GRID2IP: variants seen among roughly 807,000 people sequenced by gnomAD.
GRID2IP encodes the protein Grid2 interacting protein.
Under a neutral mutation model 114.3 loss-of-function variants are expected in GRID2IP, and 78 were observed. The ratio of observed to expected loss-of-function variants is 0.68; its 90% CI spans 0.57 to 0.82. GRID2IP has a LOEUF of 0.82. Among genes scored for constraint, GRID2IP ranks in the 40% least tolerant of loss-of-function variants. The pLI is 0.00. For synonymous variants in GRID2IP, 809 were observed against 724.0 expected, an observed-to-expected ratio of 1.12 and a Z score of -1.89; for missense variants, 1,727 against 1,678.5, an observed-to-expected ratio of 1.03 and a Z score of -0.51.
Position 6,521,887 on chromosome 7 carries a change from C to G in GRID2IP, c.989+1G>C, listed in dbSNP as rs1453916890. ...CCCTGGTGTCCCCAATAGCCTCTGACCTCATGTCCAGTCCATTGAGGAAGA... is the reference window on the plus strand; with the variant it reads ...CCCTGGTGTCCCCAATAGCCTCTGAGCTCATGTCCAGTCCATTGAGGAAGA... On this transcript the variant is annotated splice_donor_variant, in intron 5 of 21. Transcript: ENST00000457091. LOFTEE classifies it high-confidence loss of function. The surrounding 1 kb of genome is among the most constrained non-coding windows in gnomAD (Gnocchi z 4.1). 6.4e-7 allele frequency: 1 copy of G among 1,550,494 alleles called. No homozygotes were observed. Among genetic ancestry groups the G allele is most frequent in the Non-Finnish European group, 8.7e-7 (1 of 1,146,030 alleles).
chr7:6,520,148 C>T lies in GRID2IP; in HGVS notation c.1268+430G>A, dbSNP rs529747536. On this transcript the variant is annotated intron_variant, in intron 7 of 21. Coordinates refer to ENST00000457091, the MANE Select transcript of GRID2IP (RefSeq NM_001145118.2). The surrounding 1 kb of genome is among the most constrained non-coding windows in gnomAD (Gnocchi z 4.6). The stretch of plus-strand genomic sequence containing the variant: ...TCTAGTAAAAATACAAAAAAATTAG[C>T]CGGGTGTGGTGGTGGGCACCTGTAA... 1.3e-5 allele frequency among the ~76,000 whole-genome samples: 2 copies of T among 152,072 alleles called. No individual in the cohort carries two copies. Among genetic ancestry groups the T allele is most frequent in the African/African-American group, 4.8e-5 (2 of 41,410 alleles).
chr7:6,509,101 G>T lies in GRID2IP; in HGVS notation c.1984C>A (p.Pro662Thr). The T allele has an allele frequency of 6.8e-7, 1 of 1,481,394 alleles. No homozygotes were observed. The highest frequency in any genetic ancestry group is 9.0e-7 in the Non-Finnish European group (1 of 1,115,222). 91.8% of individuals were successfully genotyped at this position (1,481,394 alleles called of 1,614,324 possible). A position where few individuals can be genotyped will look rare whatever the true frequency, so the allele number is the denominator to read the frequency against. The stretch of plus-strand genomic sequence containing the variant: ...AAGGTGAAGAGCTTCCTGCGGCTGG[G>T]CGGGCGGGTGGGGTCCGGGCTTGGG... ...SPPSPDPTRP[P>T]SRRKLFTFSH... is the part of the protein sequence containing the mutation. Residue 662 changes from proline (P) to threonine (T), a missense_variant, in exon 12 of 22, where the codon CCC becomes ACC. Physicochemically the swap from Pro to Thr is conservative, Grantham distance 38. Coordinates refer to ENST00000457091, the MANE Select transcript of GRID2IP (RefSeq NM_001145118.2). The surrounding 1 kb of genome is among the most constrained non-coding windows in gnomAD (Gnocchi z 4.9).
In GRID2IP at chr7:6,506,802, C is replaced by T. The variant is rs1298070546; in HGVS notation, c.2545-895G>A. Among the ~76,000 whole-genome samples the T allele has an allele frequency of 1.3e-5, 2 of 151,990 alleles. No individual in the cohort carries two copies. Among genetic ancestry groups the T allele is most frequent in the African/African-American group, 4.8e-5 (2 of 41,358 alleles). Reference sequence around the variant, plus strand: ...AATCAAGTGATTCTCCCTCTTCAGCCTCCCGAGTAGCTGGGACCACAGGCA... The same window carrying T: ...AATCAAGTGATTCTCCCTCTTCAGCTTCCCGAGTAGCTGGGACCACAGGCA... On this transcript the variant is annotated intron_variant, in intron 13 of 21. Coordinates refer to ENST00000457091, the MANE Select transcript of GRID2IP (RefSeq NM_001145118.2). This position sits in a 1 kb window ranked among gnomAD's most constrained non-coding sequence, Gnocchi z 5.2.
intron 14 of GRID2IP, 119 bp downstream of exon 14, chr7:6,505,700 GA>G: frequency 1.5e-6 from 1 of 670,136 alleles, no homozygotes; most frequent in Non-Finnish European, 2.7e-6. Flanking sequence ...CTCAGGGACT[GA>G]AGGCTTGAGG....
At position 6,506,161 on chromosome 7, in the gene GRID2IP, G is replaced by T. The variant is rs1055991532; in HGVS notation, c.2545-254C>A. 6.6e-6 allele frequency among the ~76,000 whole-genome samples: 1 copy of T among 152,232 alleles called. No homozygotes were observed. Among genetic ancestry groups the T allele is most frequent in the Non-Finnish European group, 1.5e-5 (1 of 68,040 alleles). On this transcript the variant is annotated intron_variant, in intron 13 of 21. Coordinates refer to ENST00000457091, the MANE Select transcript of GRID2IP (RefSeq NM_001145118.2). This position sits in a 1 kb window ranked among gnomAD's most constrained non-coding sequence, Gnocchi z 5.2. ...CACTACTCGTGCAGAAGCCAGCAAG[G>T]TGGGACTGCAGCGGGGGCATGAAGG...
chr7:6,511,032 C>T lies in GRID2IP; in HGVS notation c.1431G>A (p.Pro477=), dbSNP rs752498238. 2.6e-5 allele frequency: 38 copies of T among 1,456,428 alleles called. No individual in the cohort carries two copies. The highest frequency in any genetic ancestry group is 2.5e-4 in the South Asian group (18 of 73,068). 90.2% of individuals were successfully genotyped at this position (1,456,428 alleles called of 1,614,324 possible). A position where few individuals can be genotyped will look rare whatever the true frequency, so the allele number is the denominator to read the frequency against. ...FLGYTAMTAE[P]EPELDLESEP... Reference sequence around the variant, plus strand: ...CGGACTCCAGGTCCAGCTCAGGCTCCGGCTCTGCTGTGGGACATGCAGGGA... The same window carrying T: ...CGGACTCCAGGTCCAGCTCAGGCTCTGGCTCTGCTGTGGGACATGCAGGGA... The change falls in exon 9 of 22, where the codon CCG becomes CCA. Residue 477 remains proline (P), a synonymous_variant. Coordinates refer to ENST00000457091, the MANE Select transcript of GRID2IP (RefSeq NM_001145118.2).
rs796236161 is a variant in GRID2IP, at chr7:6,508,667, G to C, written c.2128-266C>G. Among the ~76,000 whole-genome samples, 1 of 152,160 alleles carries C rather than the reference G, an allele frequency of 6.6e-6. No homozygotes were observed. The highest frequency in any genetic ancestry group is 2.1e-4 in the South Asian group (1 of 4,832). On this transcript the variant is annotated intron_variant, in intron 12 of 21. Coordinates refer to ENST00000457091, the MANE Select transcript of GRID2IP (RefSeq NM_001145118.2). The surrounding 1 kb of genome is among the most constrained non-coding windows in gnomAD (Gnocchi z 5.6). ...AGGGGGATAGCCTGGAATAAGGACA[G>C]GACCCTGTCACGGGTTAGCCTCAGG...
rs534197319 is a variant in GRID2IP at position 6,501,689 on chromosome 7, C to T, written c.3399+92G>A. On this transcript the variant is annotated intron_variant, in intron 20 of 21. Coordinates refer to ENST00000457091, the MANE Select transcript of GRID2IP (RefSeq NM_001145118.2). ...TGTGTCCAGAATCTCTGCTGGAAGTCGAGGTCTCCAGCGGCCACTGGAGCC... is the reference window on the plus strand; with the variant it reads ...TGTGTCCAGAATCTCTGCTGGAAGTTGAGGTCTCCAGCGGCCACTGGAGCC... 75 of 863,966 alleles carry T rather than the reference C, an allele frequency of 8.7e-5. No homozygotes were observed. The African/African-American group carries it at 1.1e-3, about 12-fold the overall frequency. The allele number at this position is 863,966 out of a possible 1,614,324, so 53.5% of individuals were successfully genotyped here. A position where few individuals can be genotyped will look rare whatever the true frequency, so the allele number is the denominator to read the frequency against.
intron 7 of GRID2IP, among the ~76,000 whole-genome samples, chr7:6,515,087 C>A (rs1214925103): frequency 6.6e-6 from 1 of 152,160 alleles, no homozygotes; most frequent in Non-Finnish European, 1.5e-5. Flanking sequence ...AGTGACTTAC[C>A]CTCTCTGTGC....
rs377260396 is a variant in GRID2IP, at chr7:6,516,088, C to A, written c.1269-1559G>T. Among the ~76,000 whole-genome samples the A allele has an allele frequency of 6.7e-6, 1 of 149,704 alleles. No homozygotes were observed. Among genetic ancestry groups the A allele is most frequent in the South Asian group, 2.1e-4 (1 of 4,726 alleles). ...CTCCAGCCTGGGTGACAGAGCAAGA[C>A]CCCGTCTCAAAATAATAATAATAAA... On this transcript the variant is annotated intron_variant, in intron 7 of 21. Transcript: ENST00000457091. This position sits in a 1 kb window ranked among gnomAD's most constrained non-coding sequence, Gnocchi z 4.3.
rs775878264 is a variant in GRID2IP, at chr7:6,516,647, G to A, written c.1269-2118C>T. Among the ~76,000 whole-genome samples, 1 of 152,216 alleles carries A rather than the reference G, an allele frequency of 6.6e-6. No homozygotes were observed. The highest frequency in any genetic ancestry group is 1.5e-5 in the Non-Finnish European group (1 of 68,038). On this transcript the variant is annotated intron_variant, in intron 7 of 21. Coordinates refer to ENST00000457091, the MANE Select transcript of GRID2IP (RefSeq NM_001145118.2). This position sits in a 1 kb window ranked among gnomAD's most constrained non-coding sequence, Gnocchi z 4.3. Reference sequence around the variant, plus strand: ...CTGCTTGCCCGCCCGCAGCCACCCAGAGGCCTAACGCTGTCCCTGTGATGC... The same window carrying A: ...CTGCTTGCCCGCCCGCAGCCACCCAAAGGCCTAACGCTGTCCCTGTGATGC...
In GRID2IP at chr7:6,510,627, C is replaced by T. The variant is rs1394612268; in HGVS notation, c.1635G>A (p.Glu545=). 1 of 1,536,518 alleles carries T rather than the reference C, an allele frequency of 6.5e-7. No homozygotes were observed. The highest frequency in any genetic ancestry group is 8.8e-7 in the Non-Finnish European group (1 of 1,142,214). Residue 545 remains glutamate, a synonymous_variant, in exon 10 of 22, where the codon GAG becomes GAA. Coordinates refer to ENST00000457091, the MANE Select transcript of GRID2IP (RefSeq NM_001145118.2). ...GTCTCACCATCTTGGGGTTGGGGGT[C>T]TCAGGGAGGGACGTGCCGTCGCCTG... ...RQAGDGTSLP[E]TPNPKMMSAV...
intron 15 of GRID2IP, 104 bp downstream of exon 15, chr7:6,504,689 G>A: frequency 1.2e-6 from 1 of 869,292 alleles, no homozygotes; most frequent in Non-Finnish European, 1.8e-6. Context: ...CAGGAGGCCG[G>A]GTCCCCACCG....
chr7:6,511,073 G>T, intron 8 of GRID2IP, 34 bp from the exon 9 acceptor site: 1 of 1,368,100 alleles, frequency 7.3e-7, no homozygotes, highest in South Asian at 1.7e-5. Context: ...GGGCCCTCTT[G>T]CCCTCTCAGC....
intron 2 of GRID2IP, among the ~76,000 whole-genome samples, chr7:6,527,419 T>G (rs1361362006): frequency 6.6e-6 from 1 of 152,212 alleles, no homozygotes; most frequent in Non-Finnish European, 1.5e-5. Context: ...CCTTTCAACT[T>G]AATCCTACAT....
Position 6,501,815 on chromosome 7 carries a change from G to T in GRID2IP, c.3365C>A (p.Pro1122His). ...CATTGCAAACTTGTCCTCGCTAGAG[G>T]GGGAAATGCTCTGGCAGGCATCCTG... ...EIQDACQSISPSSEDKFAMVM... is the reference protein window; with the variant it reads ...EIQDACQSISHSSEDKFAMVM... The change falls in exon 20 of 22, where the codon CCC becomes CAC. Residue 1122 changes from proline to histidine, a missense_variant. Pro to His is a moderately conservative substitution (Grantham distance 77). Transcript: ENST00000457091. 2 of 1,551,374 alleles carry T rather than the reference G, an allele frequency of 1.3e-6. No individual in the cohort carries two copies. Among genetic ancestry groups the T allele is most frequent in the Non-Finnish European group, 1.7e-6 (2 of 1,146,888 alleles).
intron 2 of GRID2IP, among the ~76,000 whole-genome samples, chr7:6,529,174 G>A (rs1468592055): frequency 6.6e-6 from 1 of 152,186 alleles, no homozygotes; most frequent in African/African-American, 2.4e-5. Context: ...CTGTCGTCCG[G>A]GCGCGGTGGC....
Position 6,526,534 on chromosome 7 carries a change from C to T in GRID2IP, c.820G>A (p.Gly274Arg), listed in dbSNP as rs1779513494. ...AGCCCCGCGTACCTGCGCGCGCCCC[C>T]GGGGCCGGCGAGGCCGCCCACCAGC... is the stretch of plus-strand genomic sequence containing the variant. ...SLLVGGLAGP[G>R]GARRTVRVYK... The change falls in exon 3 of 22, where the codon GGG (glycine) becomes AGG (arginine). Residue 274 changes from glycine (G) to arginine (R), a missense_variant. By Grantham distance (125) the Gly-to-Arg change is moderately radical. Transcript: ENST00000457091. This position sits in a 1 kb window ranked among gnomAD's most constrained non-coding sequence, Gnocchi z 7.6. The T allele has an allele frequency of 1.6e-6, 2 of 1,230,072 alleles. No homozygotes were observed. Among genetic ancestry groups the T allele is most frequent in the African/African-American group, 1.6e-5 (1 of 63,780 alleles). The allele number at this position is 1,230,072 out of a possible 1,614,324, so 76.2% of individuals were successfully genotyped here. A position where few individuals can be genotyped will look rare whatever the true frequency, so the allele number is the denominator to read the frequency against.
Position 6,519,750 on chromosome 7 carries a change from A to T in GRID2IP, c.1268+828T>A, listed in dbSNP as rs1394773341. Among the ~76,000 whole-genome samples, 1 of 152,022 alleles carries T rather than the reference A, an allele frequency of 6.6e-6. No homozygotes were observed. Among genetic ancestry groups the T allele is most frequent in the Non-Finnish European group, 1.5e-5 (1 of 68,010 alleles). Reference sequence around the variant, plus strand: ...CCAGCCTGGGCAACGAGAGTGAAACACCATCTCAAAAAACAAAAACAAAAA... The same window carrying T: ...CCAGCCTGGGCAACGAGAGTGAAACTCCATCTCAAAAAACAAAAACAAAAA... On this transcript the variant is annotated intron_variant, in intron 7 of 21. Coordinates refer to ENST00000457091, the MANE Select transcript of GRID2IP (RefSeq NM_001145118.2). This position sits in a 1 kb window ranked among gnomAD's most constrained non-coding sequence, Gnocchi z 4.1.
Sources: allele counts gnomAD v4.1 joint callset (sites outside exome capture counted in the v4.1 genomes callset), GRCh38; gene constraint gnomAD v4.1.1; non-coding constraint Gnocchi (gnomAD v3.1); transcripts MANE v1.5; gene names NCBI Gene and HGNC (gene_info 2026-07-23, HGNC 2026-07-21).